RBMS3: variants seen among roughly 807,000 people sequenced by gnomAD.
RBMS3 encodes RNA binding motif single stranded interacting protein 3.
RBMS3 carries 27 observed loss-of-function variants against 66.8 expected under a neutral mutation model. That is an observed-to-expected ratio of 0.40 (90% CI 0.30 to 0.56). RBMS3 has a LOEUF of 0.56. Among genes scored for constraint, RBMS3 ranks in the 20% least tolerant of loss-of-function variants. The probability of loss-of-function intolerance (pLI) is 0.40; values close to 1 mark genes in which losing one functional copy is unlikely to be tolerated. For synonymous variants in RBMS3, 188 were observed against 183.0 expected, an observed-to-expected ratio of 1.03 and a Z score of -0.22; for missense variants, 513 against 549.5, an observed-to-expected ratio of 0.93 and a Z score of 0.66.
intron 14 of RBMS3, among the ~76,000 whole-genome samples, chr3:29,997,421 G>T (rs1217462351): frequency 6.7e-6 from 1 of 149,302 alleles, no homozygotes. Context: ...CATTTTATGA[G>T]GGCAGCATCA....
intron 1 of RBMS3, among the ~76,000 whole-genome samples, chr3:29,338,941 T>C (rs1174944664): frequency 6.6e-6 from 1 of 152,128 alleles, no homozygotes; most frequent in Non-Finnish European, 1.5e-5. Flanking sequence ...GTGTTTTCCT[T>C]GCTAATTTCA....
At chr3:29,440,819 A>G (rs1026059218) in intron 2 of RBMS3, among the ~76,000 whole-genome samples, 2 of 152,216 alleles carry the variant, frequency 1.3e-5, no homozygotes, top group East Asian at 3.9e-4. Context: ...TCCATTATAC[A>G]TGGTGTCAGA....
At chr3:29,643,767 T>C (rs1559532134) in intron 4 of RBMS3, among the ~76,000 whole-genome samples, 2 of 152,158 alleles carry the variant, frequency 1.3e-5, no homozygotes, top group African/African-American at 4.8e-5. Context: ...AGTTAATGGA[T>C]ATTTAGTTCT....
At chr3:29,558,304 G>A (rs1447789205) in intron 3 of RBMS3, among the ~76,000 whole-genome samples, 1 of 151,940 alleles carries the variant, frequency 6.6e-6, no homozygotes, top group African/African-American at 2.4e-5. Flanking sequence ...AGATGCAATT[G>A]AAGAAAACTG....
chr3:29,798,950 T>C (rs569759087), intron 6 of RBMS3, among the ~76,000 whole-genome samples: 18 of 134,882 alleles, frequency 1.3e-4, no homozygotes, highest in Non-Finnish European at 2.6e-4. Flanking sequence ...TTTTTTTTTG[T>C]AATCACAAGG....
At chr3:29,942,165 A>T (rs1380966369) in intron 11 of RBMS3, among the ~76,000 whole-genome samples, 1 of 151,880 alleles carries the variant, frequency 6.6e-6, no homozygotes, top group Non-Finnish European at 1.5e-5. Context: ...AATGTAATGC[A>T]GCATGAAATC....
intron 1 of RBMS3, among the ~76,000 whole-genome samples, chr3:29,300,294 G>A (rs1436148966): frequency 2.0e-5 from 3 of 151,836 alleles, no homozygotes; most frequent in Admixed American, 6.6e-5. Flanking sequence ...ATACATGCCC[G>A]GTTATATAGC....
At chr3:29,627,804 G>A (rs971238025) in intron 4 of RBMS3, among the ~76,000 whole-genome samples, 3 of 152,130 alleles carry the variant, frequency 2.0e-5, no homozygotes, top group African/African-American at 7.2e-5. Context: ...GAAGGAGGAA[G>A]AGAGAGAGGA....
At chr3:29,992,160 A>AG (rs773746735) in intron 14 of RBMS3, among the ~76,000 whole-genome samples, 7 of 152,154 alleles carry the variant, frequency 4.6e-5, no homozygotes, top group Admixed American at 2.0e-4. Context: ...GCCTGTCTAC[A>AG]GAGTGCTGCT....
At chr3:29,999,813 A>G (rs1300116729) in intron 14 of RBMS3, among the ~76,000 whole-genome samples, 2 of 152,082 alleles carry the variant, frequency 1.3e-5, no homozygotes. Flanking sequence ...ATGCTAAATG[A>G]TGAGTTAATG....
chr3:29,408,991 G>C (rs1408719099), intron 1 of RBMS3, among the ~76,000 whole-genome samples: 2 of 152,150 alleles, frequency 1.3e-5, no homozygotes, highest in African/African-American at 4.8e-5. Flanking sequence ...GAATGCAATA[G>C]ACTATCAGAG....
At chr3:29,966,949 C>A (rs1037929353) in intron 12 of RBMS3, among the ~76,000 whole-genome samples, 1 of 152,012 alleles carries the variant, frequency 6.6e-6, no homozygotes. Flanking sequence ...ATTCAGATGA[C>A]CACGATTTTT....
At chr3:29,285,075 TC>T (rs2032182011) in intron 1 of RBMS3, among the ~76,000 whole-genome samples, 1 of 151,314 alleles carries the variant, frequency 6.6e-6, no homozygotes, top group Admixed American at 6.6e-5. Flanking sequence ...AAAAAATAGT[TC>T]ATTAGCTTAA....
At chr3:29,390,058 A>G (rs1017282270) in intron 1 of RBMS3, among the ~76,000 whole-genome samples, 3 of 152,180 alleles carry the variant, frequency 2.0e-5, no homozygotes, top group Non-Finnish European at 4.4e-5. Context: ...AAGAGGCTCT[A>G]AAAGACCCCT....
intron 6 of RBMS3, among the ~76,000 whole-genome samples, chr3:29,821,818 G>T (rs1576910485): frequency 6.6e-6 from 1 of 152,110 alleles, no homozygotes; most frequent in Non-Finnish European, 1.5e-5. Flanking sequence ...ATATCATTAA[G>T]TTCCTGCCTT....
intron 3 of RBMS3, among the ~76,000 whole-genome samples, chr3:29,559,619 T>C (rs2046480772): frequency 6.6e-6 from 1 of 151,826 alleles, no homozygotes; most frequent in East Asian, 1.9e-4. Context: ...GGCTTGTTTA[T>C]TCTTGCTTGT....
intron 6 of RBMS3, among the ~76,000 whole-genome samples, chr3:29,830,395 C>T (rs1286939016): frequency 6.6e-6 from 1 of 152,110 alleles, no homozygotes; most frequent in East Asian, 1.9e-4. Context: ...TTCAACTCTT[C>T]GTTTGTTCAC....
At chr3:29,944,138 T>G (rs1695142628) in intron 11 of RBMS3, 69 bp from the exon 12 acceptor site, 1 of 1,413,934 alleles carries the variant, frequency 7.1e-7, no homozygotes, top group Non-Finnish European at 9.9e-7. Flanking sequence ...TTCCACGTGT[T>G]AGGGCTGATT....
chr3:29,587,070 C>A, intron 3 of RBMS3, 44 bp from the exon 4 acceptor site: 1 of 1,454,120 alleles, frequency 6.9e-7, no homozygotes, highest in South Asian at 1.2e-5. Flanking sequence ...GATAGAGATT[C>A]AGCTTTTTGT....
Sources: allele counts gnomAD v4.1 joint callset (sites outside exome capture counted in the v4.1 genomes callset), GRCh38; gene constraint gnomAD v4.1.1; transcripts MANE v1.5; gene names NCBI Gene and HGNC (gene_info 2026-07-23, HGNC 2026-07-21).